RANBP2: variants seen among roughly 807,000 people sequenced by gnomAD.
The protein encoded by RANBP2 is RAN binding protein 2.
RANBP2 carries 57 observed loss-of-function variants against 303.6 expected under a neutral mutation model. The observed-to-expected ratio is 0.19, with a 90% CI of 0.15 to 0.23. The LOEUF (loss-of-function observed/expected upper bound fraction) is 0.23. RANBP2 is among the 10% of genes least tolerant of loss of function. The pLI, the probability that RANBP2 is intolerant of heterozygous loss-of-function variation, is 1.00. For missense variants in RANBP2, 3,138 were observed against 3,780.8 expected, an observed-to-expected ratio of 0.83 and a Z score of 4.46; for synonymous variants, 1,167 against 1,301.5, an observed-to-expected ratio of 0.90 and a Z score of 2.23.
chr2:109,417,697 C>T, the RANBP2 span, among the ~76,000 whole-genome samples: 3 of 152,216 alleles, frequency 2.0e-5, no homozygotes, highest in African/African-American at 7.2e-5. Flanking sequence ...CTCTCGGTTG[C>T]ACCCGCTCAT....
At chr2:109,739,657 T>C in the RANBP2 span, among the ~76,000 whole-genome samples, 3 of 152,184 alleles carry the variant, frequency 2.0e-5, no homozygotes, top group Non-Finnish European at 4.4e-5. Context: ...TATGAGATCA[T>C]ATCACCTGCA....
chr2:108,725,172 C>G (rs559643448), intron 1 of RANBP2, among the ~76,000 whole-genome samples: 3 of 152,220 alleles, frequency 2.0e-5, no homozygotes, highest in Admixed American at 6.5e-5. Context: ...ATAGTGACAT[C>G]TGCTGTCATG....
At chr2:109,627,135 C>T in the RANBP2 span, among the ~76,000 whole-genome samples, 1 of 152,200 alleles carries the variant, frequency 6.6e-6, no homozygotes, top group African/African-American at 2.4e-5. Context: ...ATACCCACTG[C>T]ACTCCAGCCT....
chr2:109,186,118 T>C, the RANBP2 span, among the ~76,000 whole-genome samples: 2 of 152,280 alleles, frequency 1.3e-5, no homozygotes, highest in Admixed American at 1.3e-4. Context: ...GGGCAGGCCC[T>C]GTCTCTGTGT....
the RANBP2 span, among the ~76,000 whole-genome samples, chr2:109,492,510 G>A: frequency 2.0e-5 from 3 of 152,184 alleles, no homozygotes; most frequent in Non-Finnish European, 4.4e-5. Flanking sequence ...CATGGATTCC[G>A]GCTACGCATG....
chr2:108,794,586 T>G, the RANBP2 span: 1 of 1,614,058 alleles, frequency 6.2e-7, no homozygotes, highest in South Asian at 1.1e-5. Context: ...GGACTGAGTG[T>G]TGTAGTGATG....
chr2:109,602,982 G>T, the RANBP2 span, among the ~76,000 whole-genome samples: 1 of 151,290 alleles, frequency 6.6e-6, no homozygotes. Context: ...GAGGCAGGAG[G>T]ATCATCTGAG....
At chr2:108,733,023 C>T (rs2149115587) in intron 4 of RANBP2, among the ~76,000 whole-genome samples, 1 of 152,134 alleles carries the variant, frequency 6.6e-6, no homozygotes, top group South Asian at 2.1e-4. Context: ...GGGGTTTCAC[C>T]ATGTTGGCCT....
At chr2:109,680,310 G>A in the RANBP2 span, among the ~76,000 whole-genome samples, 7 of 151,328 alleles carry the variant, frequency 4.6e-5, no homozygotes, top group South Asian at 2.1e-4. Context: ...CCAAGATCAC[G>A]CCACTGCAAG....
chr2:109,331,966 G>A, the RANBP2 span, among the ~76,000 whole-genome samples: 1 of 152,164 alleles, frequency 6.6e-6, no homozygotes, highest in South Asian at 2.1e-4. Flanking sequence ...GGTCTTCCTG[G>A]TGCTGTGACT....
chr2:109,093,503 G>C, the RANBP2 span, among the ~76,000 whole-genome samples: 1 of 151,558 alleles, frequency 6.6e-6, no homozygotes, highest in Non-Finnish European at 1.5e-5. Flanking sequence ...CCATGGGTAA[G>C]TTATCATATA....
the RANBP2 span, among the ~76,000 whole-genome samples, chr2:109,619,178 C>T: frequency 3.3e-5 from 5 of 152,180 alleles, no homozygotes; most frequent in Admixed American, 3.3e-4. Context: ...CAGGGTCACA[C>T]AGTAAAAAGC....
chr2:109,307,883 T>C, the RANBP2 span, among the ~76,000 whole-genome samples: 1 of 125,234 alleles, frequency 8.0e-6, no homozygotes, highest in Non-Finnish European at 1.6e-5. Flanking sequence ...GCAGTAAACA[T>C]ACGTGTGCAT....
chr2:108,984,710 G>C, the RANBP2 span, among the ~76,000 whole-genome samples: 1 of 151,920 alleles, frequency 6.6e-6, no homozygotes, highest in African/African-American at 2.4e-5. Context: ...CATGGCGCTG[G>C]ATTTATGCAT....
At chr2:108,908,029 C>T in the RANBP2 span, 2 of 1,605,650 alleles carry the variant, frequency 1.2e-6, no homozygotes, top group African/African-American at 1.3e-5. Flanking sequence ...GCTGCAAAAA[C>T]AAGAGCGATG....
At chr2:109,383,489 C>T in the RANBP2 span, among the ~76,000 whole-genome samples, 331 of 152,334 alleles carry the variant, frequency 2.2e-3, no homozygotes, top group African/African-American at 7.3e-3. Flanking sequence ...TGTCTTCATG[C>T]TTCTCCTCCA....
At chr2:108,867,734 C>A in the RANBP2 span, among the ~76,000 whole-genome samples, 2 of 151,990 alleles carry the variant, frequency 1.3e-5, no homozygotes, top group African/African-American at 2.4e-5. Flanking sequence ...TTAAATATTT[C>A]TTTAGCCTTA....
chr2:108,769,034 CA>C (rs397934184), intron 20 of RANBP2, among the ~76,000 whole-genome samples: 89 of 107,074 alleles, frequency 8.3e-4, no homozygotes, highest in East Asian at 1.2e-3. Context: ...ACTTTGTCTC[CA>C]AAAAAAAAAA....
the RANBP2 span, among the ~76,000 whole-genome samples, chr2:109,327,557 C>T: frequency 1.3e-5 from 2 of 152,198 alleles, no homozygotes; most frequent in African/African-American, 4.8e-5. Context: ...TTGAACTATA[C>T]ATCAAGTTGG....
Sources: gnomAD v4.1 joint callset for allele counts (sites outside exome capture counted in the v4.1 genomes callset) on GRCh38, gnomAD v4.1.1 for gene constraint, MANE v1.5 for transcripts, NCBI Gene and HGNC (gene_info 2026-07-23, HGNC 2026-07-21) for gene names.